The following PCDHGA6 variants were observed in gnomAD, a reference collection of about 807,000 sequenced individuals.
PCDHGA6 encodes the protein protocadherin gamma-A6.
In PCDHGA6, 41 loss-of-function variants were observed where a neutral mutation model predicts 60.6. The observed-to-expected ratio is 0.68, with a 90% confidence interval of 0.53 to 0.88. PCDHGA6 has a LOEUF of 0.88. Among genes scored for constraint, PCDHGA6 ranks in the 40% least tolerant of loss-of-function variants. The pLI, the probability that PCDHGA6 is intolerant of heterozygous loss-of-function variation, is 0.00. For missense variants in PCDHGA6, 1,312 were observed against 1,203.0 expected, an observed-to-expected ratio of 1.09 and a Z score of -1.34; for synonymous variants, 594 against 524.4, an observed-to-expected ratio of 1.13 and a Z score of -1.81.
chr5:141,478,392 A>G, intron 1 of PCDHGA6: 1 of 1,613,560 alleles, frequency 6.2e-7, no homozygotes, highest in Non-Finnish European at 8.5e-7. Context: ...CTTTACCATC[A>G]GGTGTATCTC....
intron 1 of PCDHGA6, among the ~76,000 whole-genome samples, chr5:141,463,999 C>A (rs1261262637): frequency 1.3e-5 from 2 of 152,056 alleles, no homozygotes; most frequent in African/African-American, 4.8e-5. Flanking sequence ...GGTGCAGTGG[C>A]TCATGCTTGT....
chr5:141,390,222 G>C (rs758225583), intron 1 of PCDHGA6: 2 of 1,614,022 alleles, frequency 1.2e-6, no homozygotes, highest in Admixed American at 3.3e-5. Context: ...CATACTTTGC[G>C]GTGATTCATC....
At chr5:141,452,879 A>C (rs1389712789) in intron 1 of PCDHGA6, among the ~76,000 whole-genome samples, 1 of 152,200 alleles carries the variant, frequency 6.6e-6, no homozygotes, top group Admixed American at 6.5e-5. Context: ...CATTTGTAAT[A>C]ATTTATTCCA....
intron 1 of PCDHGA6, chr5:141,392,124 A>G (rs1448052063): frequency 1.3e-5 from 2 of 152,226 alleles, no homozygotes; most frequent in Admixed American, 1.3e-4. Flanking sequence ...GAAAGCTTGT[A>G]AAATGATTAA....
chr5:141,456,427 T>A (rs1156577293), intron 1 of PCDHGA6, among the ~76,000 whole-genome samples: 1 of 152,166 alleles, frequency 6.6e-6, no homozygotes, highest in East Asian at 1.9e-4. Context: ...ATTCAAGTTA[T>A]AGTATTGAGT....
intron 1 of PCDHGA6, chr5:141,442,111 C>A: frequency 6.0e-6 from 1 of 166,354 alleles, no homozygotes; most frequent in Non-Finnish European, 1.3e-5. Context: ...CACTACCGCC[C>A]CTCGTCGCCG....
intron 1 of PCDHGA6, chr5:141,396,121 G>T: frequency 6.6e-6 from 1 of 152,188 alleles, no homozygotes. Context: ...AATGTTTCAG[G>T]TACACAAGTT....
rs771088007 is a variant in PCDHGA6 at position 141,423,000 on chromosome 5, G to T, written c.2424+46493G>T. On this transcript the variant is annotated intron_variant, in intron 1 of 3. Coordinates refer to ENST00000517434, the MANE Select transcript of PCDHGA6 (RefSeq NM_018919.3). ...CGGAACCTGGCTACCTGGTGACCAA[G>T]GTGGTTGCGGTGGACAAAGATTCAG... The T allele has an allele frequency of 2.5e-6, 4 of 1,614,116 alleles. No individual in the cohort carries two copies. The African/African-American group carries it at 5.3e-5, about 22-fold the overall frequency.
chr5:141,389,276 G>T (rs375882135), intron 1 of PCDHGA6: 4 of 1,613,858 alleles, frequency 2.5e-6, no homozygotes, highest in South Asian at 2.2e-5. Flanking sequence ...AGAACAACCC[G>T]CCTGGAGCCT....
In PCDHGA6 at chr5:141,431,339, T is replaced by A. The variant is rs1374646530; in HGVS notation, c.2424+54832T>A. 7.4e-6 allele frequency: 12 copies of A among 1,613,942 alleles called. No homozygotes were observed. In the Admixed American group the frequency reaches 1.2e-4, roughly 16 times the overall value. ...AGCCGACGGTAGTAAGTACCCCGAA[T>A]TGGTGCTGAAACGCGCCCTGGACCG... On this transcript the variant is annotated intron_variant, in intron 1 of 3. Coordinates refer to ENST00000517434, the MANE Select transcript of PCDHGA6 (RefSeq NM_018919.3). This position sits in a 1 kb window ranked among gnomAD's most constrained non-coding sequence, Gnocchi z 4.8.
At chr5:141,403,099 C>G in intron 1 of PCDHGA6, 5 of 1,614,056 alleles carry the variant, frequency 3.1e-6, no homozygotes, top group Non-Finnish European at 4.2e-6. Context: ...GCAACATCTC[C>G]AAGGACCTGG....
intron 1 of PCDHGA6, among the ~76,000 whole-genome samples, chr5:141,437,145 T>C (rs191316470): frequency 3.9e-5 from 6 of 152,364 alleles, no homozygotes; most frequent in Admixed American, 3.9e-4. Flanking sequence ...GGATTCATAA[T>C]TAACATATGT....
chr5:141,423,484 A>G, intron 1 of PCDHGA6: 1 of 1,613,722 alleles, frequency 6.2e-7, no homozygotes, highest in Non-Finnish European at 8.5e-7. Flanking sequence ...TTTCCTGCAA[A>G]CCTATTCCCA....
intron 1 of PCDHGA6, among the ~76,000 whole-genome samples, chr5:141,478,961 C>T (rs887338339): frequency 6.6e-6 from 1 of 152,206 alleles, no homozygotes; most frequent in Non-Finnish European, 1.5e-5. Context: ...CCTCATTCCT[C>T]CACCTTTCAA....
At position 141,443,088 on chromosome 5, in the gene PCDHGA6, T is replaced by C. The variant is rs188899890; in HGVS notation, c.2425-51719T>C. On this transcript the variant is annotated intron_variant, in intron 1 of 3. Transcript: ENST00000517434. ...CGTCTTATGACTGAGTGTTCCAGTC[T>C]CCTTCTCAAGCTGAACCTTGCTTTT... is the stretch of plus-strand genomic sequence containing the variant. 2.9e-3 allele frequency among the ~76,000 whole-genome samples: 446 copies of C among 152,092 alleles called. 1 individual carries two copies. Among genetic ancestry groups the C allele is most frequent in the Middle Eastern group, 0.014 (4 of 294 alleles).
rs1554087243 is a variant in PCDHGA6, at chr5:141,382,895, C to T, written c.2424+6388C>T. The T allele has an allele frequency of 2.6e-6, 4 of 1,536,202 alleles. No homozygotes were observed. The East Asian group carries it at 6.8e-5, about 26-fold the overall frequency. ...CGGCGCCTAAGCAAGAGAAGCAGGA[C>T]GACTATGGCGGCTCAGCCGAGGGGC... On this transcript the variant is annotated intron_variant, in intron 1 of 3. Transcript: ENST00000517434.
Position 141,490,911 on chromosome 5 carries a change from G to C in PCDHGA6, c.2425-3896G>C. On this transcript the variant is annotated intron_variant, in intron 1 of 3. Coordinates refer to ENST00000517434, the MANE Select transcript of PCDHGA6 (RefSeq NM_018919.3). The surrounding 1 kb of genome is among the most constrained non-coding windows in gnomAD (Gnocchi z 5.4). ...CTCTGCATGTGTTTGTCCTAGACGA[G>C]AATGATAATGCCCCAGCTGTGCTGC... is the stretch of plus-strand genomic sequence containing the variant. The C allele has an allele frequency of 6.2e-7, 1 of 1,613,722 alleles. No homozygotes were observed. Among genetic ancestry groups the C allele is most frequent in the East Asian group, 2.2e-5 (1 of 44,870 alleles).
At chr5:141,458,630 C>T (rs575289408) in intron 1 of PCDHGA6, among the ~76,000 whole-genome samples, 1 of 151,864 alleles carries the variant, frequency 6.6e-6, no homozygotes, top group Admixed American at 6.6e-5. Flanking sequence ...AGTGCAGTGG[C>T]ACAATCCCAG....
At position 141,384,907 on chromosome 5, in the gene PCDHGA6, G is replaced by A. The variant is rs753215361; in HGVS notation, c.2424+8400G>A. 1.5e-5 allele frequency: 24 copies of A among 1,613,952 alleles called. No homozygotes were observed. The South Asian group carries it at 2.3e-4, about 16-fold the overall frequency. ...CGTGGCTGTGGCTGACAGCATCCCCGAAGTCTTGGCCGACCTGGGCAGCCT... is the reference window on the plus strand; with the variant it reads ...CGTGGCTGTGGCTGACAGCATCCCCAAAGTCTTGGCCGACCTGGGCAGCCT... On this transcript the variant is annotated intron_variant, in intron 1 of 3. Transcript: ENST00000517434.
Sources: allele counts gnomAD v4.1 joint callset (sites outside exome capture counted in the v4.1 genomes callset), GRCh38; gene constraint gnomAD v4.1.1; non-coding constraint Gnocchi (gnomAD v3.1); transcripts MANE v1.5; gene names NCBI Gene and HGNC (gene_info 2026-07-23, HGNC 2026-07-21).